PLA2G4D: variants seen among roughly 807,000 people sequenced by gnomAD.
PLA2G4D encodes the protein cytosolic phospholipase A2 delta.
In PLA2G4D, 80 loss-of-function variants were observed where a neutral mutation model predicts 94.4. The observed-to-expected ratio is 0.85, with a 90% confidence interval of 0.71 to 1.02. The LOEUF is 1.02. Among genes scored for constraint, PLA2G4D ranks in the 50% least tolerant of loss-of-function variants. The pLI is 0.00. For missense variants in PLA2G4D, 1,050 were observed against 1,034.7 expected (o/e 1.01, Z -0.20); for synonymous variants, 438 against 440.9 (o/e 0.99, Z 0.08).
At chr15:42,070,413 C>A (rs1889781133) in intron 18 of PLA2G4D, 2 of 517,224 alleles carry the variant, frequency 3.9e-6, no homozygotes, top group Non-Finnish European at 6.8e-6. Context: ...GGCACAGCGT[C>A]TCAGGGGAGG....
In PLA2G4D at chr15:42,068,589, C is replaced by T; in HGVS notation, c.*126G>A. ...TGCAGTTCCCTCTGGGCAGTGAGAC[C>T]AGCTACAGAGGCCACCCAGGCCTGG... is the stretch of plus-strand genomic sequence containing the variant. On this transcript the variant is annotated 3_prime_UTR_variant, in exon 20 of 20. Coordinates refer to ENST00000290472, the MANE Select transcript of PLA2G4D (RefSeq NM_178034.4). 1.2e-6 allele frequency: 1 copy of T among 836,106 alleles called. No individual in the cohort carries two copies. The highest frequency in any genetic ancestry group is 1.8e-6 in the Non-Finnish European group (1 of 545,424). The allele number at this position is 836,106 out of a possible 1,614,324, so 51.8% of individuals were successfully genotyped here. A position where few individuals can be genotyped will look rare whatever the true frequency, so the allele number is the denominator to read the frequency against.
intron 1 of PLA2G4D, among the ~76,000 whole-genome samples, chr15:42,089,478 C>T (rs556580729): frequency 1.3e-4 from 20 of 152,340 alleles, no homozygotes; most frequent in East Asian, 9.6e-4. Flanking sequence ...GTGACCTCCC[C>T]GAGCAAGGTA....
chr15:42,080,095 T>C (rs1247054510), intron 12 of PLA2G4D, among the ~76,000 whole-genome samples: 2 of 152,232 alleles, frequency 1.3e-5, no homozygotes, highest in Non-Finnish European at 2.9e-5. Context: ...GTAATTTCTA[T>C]TTTTTTCAAA....
chr15:42,088,232 G>A (rs1235720863), intron 1 of PLA2G4D, among the ~76,000 whole-genome samples: 1 of 152,226 alleles, frequency 6.6e-6, no homozygotes, highest in East Asian at 1.9e-4. Flanking sequence ...CACTGTAAGG[G>A]GTATGAATGA....
intron 13 of PLA2G4D, among the ~76,000 whole-genome samples, chr15:42,076,994 T>C (rs1889941396): frequency 6.6e-6 from 1 of 152,164 alleles, no homozygotes; most frequent in African/African-American, 2.4e-5. Context: ...AAGAAACAGA[T>C]AAATTCCTGG....
At chr15:42,089,271 C>T (rs917407144) in intron 1 of PLA2G4D, among the ~76,000 whole-genome samples, 4 of 152,160 alleles carry the variant, frequency 2.6e-5, no homozygotes, top group Non-Finnish European at 5.9e-5. Flanking sequence ...GACTCGTACC[C>T]GCTCTGCACA....
rs566247594 is a variant in PLA2G4D, at chr15:42,079,468, C to T, written c.1317+69G>A. The T allele has an allele frequency of 2.7e-5, 39 of 1,466,024 alleles. No individual in the cohort carries two copies. In the African/African-American group the frequency reaches 5.3e-4, roughly 20 times the overall value. 90.8% of individuals were successfully genotyped at this position (1,466,024 alleles called of 1,614,324 possible). On this transcript the variant is annotated intron_variant, in intron 13 of 19. Coordinates refer to ENST00000290472, the MANE Select transcript of PLA2G4D (RefSeq NM_178034.4). ...AAGAAATACGCACGCGCATGTCAGC[C>T]GCTTGGGAGCCCTGCCTTCGCCCCC... is the stretch of plus-strand genomic sequence containing the variant.
At chr15:42,091,166 A>G (rs1890238407) in intron 1 of PLA2G4D, among the ~76,000 whole-genome samples, 2 of 152,340 alleles carry the variant, frequency 1.3e-5, no homozygotes, top group South Asian at 4.2e-4. Context: ...GTGGCAAGCC[A>G]CCCAGGCGCC....
At position 42,072,393 on chromosome 15, in the gene PLA2G4D, C is replaced by T. The variant is rs772815375; in HGVS notation, c.1318-1G>A. ...GTCCTGACAGCTTCTGATCCATCAC[C>T]TGGGGCCAGAGGGCATCAGGGCCTA... On this transcript the variant is annotated splice_acceptor_variant, in intron 13 of 19. Coordinates refer to ENST00000290472, the MANE Select transcript of PLA2G4D (RefSeq NM_178034.4). LOFTEE classifies it high-confidence loss of function. 6.2e-5 allele frequency: 100 copies of T among 1,612,068 alleles called. No individual in the cohort carries two copies. The East Asian group carries it at 2.0e-3, about 33-fold the overall frequency.
rs371011905 is a variant in PLA2G4D at position 42,087,608 on chromosome 15, C to T, written c.118+20G>A. ...CTGGTCCTCCCTGCTCCCGACAGAG[C>T]GCACAGGGCGGTTACTCACACAGGT... On this transcript the variant is annotated intron_variant, in intron 2 of 19. Coordinates refer to ENST00000290472, the MANE Select transcript of PLA2G4D (RefSeq NM_178034.4). 8.1e-5 allele frequency: 130 copies of T among 1,613,790 alleles called. No homozygotes were observed. The Admixed American group carries it at 1.1e-3, about 14-fold the overall frequency.
chr15:42,086,196 C>CCT lies in PLA2G4D; in HGVS notation c.387+16_387+17insAG. ...AAGAAGTGGGGCCCACGGGGACTTC[C>CCT]CCACCCACCCACCCACCTGGGGACT... On this transcript the variant is annotated intron_variant, in intron 4 of 19. Coordinates refer to ENST00000290472, the MANE Select transcript of PLA2G4D (RefSeq NM_178034.4). 5 of 356,904 alleles carry CCT rather than the reference C, an allele frequency of 1.4e-5. No individual in the cohort carries two copies. The highest frequency in any genetic ancestry group is 4.5e-5 in the South Asian group (2 of 44,008). 22.1% of individuals were successfully genotyped at this position (356,904 alleles called of 1,614,324 possible). A position where few individuals can be genotyped will look rare whatever the true frequency, so the allele number is the denominator to read the frequency against.
intron 9 of PLA2G4D, 54 bp downstream of exon 9, chr15:42,082,225 C>G (rs1478507282): frequency 6.8e-7 from 1 of 1,461,994 alleles, no homozygotes; most frequent in East Asian, 2.3e-5. Flanking sequence ...AGCCACAGAG[C>G]CCAGCCTTAT....
intron 13 of PLA2G4D, among the ~76,000 whole-genome samples, chr15:42,072,796 C>A (rs991679964): frequency 2.0e-5 from 3 of 152,190 alleles, no homozygotes; most frequent in Admixed American, 2.0e-4. Flanking sequence ...TATACTGCAA[C>A]CTATGCCAGG....
At chr15:42,087,749 T>C (rs756993878) in intron 1 of PLA2G4D, 49 bp from the exon 2 acceptor site, 5 of 1,576,204 alleles carry the variant, frequency 3.2e-6, no homozygotes, top group Non-Finnish European at 2.6e-6. Context: ...CCCTCCCTTA[T>C]GCCTGGAGCT....
At chr15:42,085,363 G>A (rs1341144545) in intron 5 of PLA2G4D, 128 bp downstream of exon 5, 5 of 1,180,818 alleles carry the variant, frequency 4.2e-6, no homozygotes, top group African/African-American at 3.0e-5. Context: ...CCCCACTCCC[G>A]ACCTCTCTGG....
Position 42,083,794 on chromosome 15 carries a change from A to G in PLA2G4D, c.472-15T>C, listed in dbSNP as rs370673385. The G allele has an allele frequency of 1.9e-6, 3 of 1,613,202 alleles. No individual in the cohort carries two copies. Among genetic ancestry groups the G allele is most frequent in the Non-Finnish European group, 1.7e-6 (2 of 1,179,946 alleles). ...AGCTCTCGGGCCTGGGGAAGACCAC[A>G]TCATGGGCAGGGGCCTCTGCAGGGT... On this transcript the variant is annotated splice_polypyrimidine_tract_variant and intron_variant, in intron 6 of 19. Transcript: ENST00000290472.
At chr15:42,079,389 A>C in intron 13 of PLA2G4D, 148 bp downstream of exon 13, 1 of 752,826 alleles carries the variant, frequency 1.3e-6, no homozygotes. Flanking sequence ...CTAACTCAGA[A>C]AGGCAGCATT....
In PLA2G4D at chr15:42,083,735, C is replaced by T. The variant is rs751469202; in HGVS notation, c.516G>A (p.Gly172=). The change falls in exon 7 of 20, where the codon GGG becomes GGA. Residue 172 remains glycine (G), a synonymous_variant. Transcript: ENST00000290472. ...SCLDVHLDST[G]STAVVADQDK... ...TCTCACCTGCAACCACAGCGGTGCT[C>T]CCTGTGCTGTCCAGATGCACATCCA... 2.0e-5 allele frequency: 32 copies of T among 1,613,944 alleles called. No individual in the cohort carries two copies. Among genetic ancestry groups the T allele is most frequent in the Non-Finnish European group, 2.5e-5 (29 of 1,180,024 alleles).
intron 8 of PLA2G4D, among the ~76,000 whole-genome samples, chr15:42,082,592 T>A (rs767464082): frequency 2.0e-5 from 3 of 152,222 alleles, no homozygotes; most frequent in Non-Finnish European, 2.9e-5. Flanking sequence ...ATAGCATGTA[T>A]AAATTTATAA....
Sources: gnomAD v4.1 joint callset for allele counts (sites outside exome capture counted in the v4.1 genomes callset) on GRCh38, gnomAD v4.1.1 for gene constraint, MANE v1.5 for transcripts, NCBI Gene and HGNC (gene_info 2026-07-23, HGNC 2026-07-21) for gene names.